POLL: variants seen among roughly 807,000 people sequenced by gnomAD.
The protein encoded by POLL is DNA polymerase beta-2.
Under a neutral mutation model 58.1 loss-of-function variants are expected in POLL, and 44 were observed. That is an observed-to-expected ratio of 0.76 (90% CI 0.60 to 0.97). POLL has a LOEUF of 0.97. POLL is among the 50% of genes least tolerant of loss of function. The pLI is 0.00. For synonymous variants in POLL, 290 were observed against 283.2 expected (o/e 1.02, Z -0.24); for missense variants, 632 against 736.8 (o/e 0.86, Z 1.65).
rs1265664676 is a variant in POLL at position 101,580,156 on chromosome 10, A to G, written c.1363+92T>C. On this transcript the variant is annotated intron_variant, in intron 8 of 8. Transcript: ENST00000370162. This position sits in a 1 kb window ranked among gnomAD's most constrained non-coding sequence, Gnocchi z 4.1. ...GCACTGTTCCCCTGCTTCCTGCCTC[A>G]GGACTGGAACTTCTGAGGTTCTCCC... 3.6e-6 allele frequency: 4 copies of G among 1,115,230 alleles called. No individual in the cohort carries two copies. Among genetic ancestry groups the G allele is most frequent in the Non-Finnish European group, 3.9e-6 (3 of 766,146 alleles). The allele number at this position is 1,115,230 out of a possible 1,614,324, so 69.1% of individuals were successfully genotyped here. A position where few individuals can be genotyped will look rare whatever the true frequency, so the allele number is the denominator to read the frequency against.
upstream of POLL, chr10:101,588,264 C>A (rs1158064316): frequency 3.8e-6 from 6 of 1,563,252 alleles, no homozygotes; most frequent in Non-Finnish European, 2.6e-6. Flanking sequence ...GAATAGCTTC[C>A]GAGTCAGCCG....
Position 101,584,604 on chromosome 10 carries a change from G to A in POLL, c.889C>T (p.Gln297Ter). 6.4e-7 allele frequency: 1 copy of A among 1,553,898 alleles called. No individual in the cohort carries two copies. The highest frequency in any genetic ancestry group is 8.7e-7 in the Non-Finnish European group (1 of 1,148,562). The change falls in exon 5 of 9, where the codon CAG becomes TAG. Residue 297 changes from glutamine to a stop codon, truncating the protein, a stop_gained and splice_region_variant. Coordinates refer to ENST00000370162, the MANE Select transcript of POLL (RefSeq NM_001174084.2). LOFTEE classifies it high-confidence loss of function. Reference sequence around the variant, plus strand: ...CTCCCACTCTAGCCCCTGGGTACCTGGTACGAGGTGACAGGCTTATGGAAG... The same window carrying A: ...CTCCCACTCTAGCCCCTGGGTACCTAGTACGAGGTGACAGGCTTATGGAAG... The part of the protein sequence containing the change: ...KSFHKPVTSY[Q>*]EACSIPGIGK...
Position 101,588,192 on chromosome 10 carries a change from T to G in POLL, c.-417A>C. 1 of 1,535,594 alleles carries G rather than the reference T, an allele frequency of 6.5e-7. No individual in the cohort carries two copies. The highest frequency in any genetic ancestry group is 8.7e-7 in the Non-Finnish European group (1 of 1,143,418). ...CTAGTCACCCGGGGGTGGGCAGGAATAGACCACTTACCAGCAGAGCCAATG... is the reference window on the plus strand; with the variant it reads ...CTAGTCACCCGGGGGTGGGCAGGAAGAGACCACTTACCAGCAGAGCCAATG... On this transcript the variant is annotated 5_prime_UTR_variant, in exon 1 of 9. Transcript: ENST00000370162.
At chr10:101,582,547 G>A (rs1049566415) in intron 7 of POLL, among the ~76,000 whole-genome samples, 1 of 152,118 alleles carries the variant, frequency 6.6e-6, no homozygotes, top group African/African-American at 2.4e-5. Context: ...CCAGAATCTA[G>A]AGGGCTGGTG....
At chr10:101,587,463 G>A (rs761705575) in intron 1 of POLL, 57 bp from the exon 2 acceptor site, 3 of 1,551,444 alleles carry the variant, frequency 1.9e-6, no homozygotes, top group Non-Finnish European at 1.7e-6. Flanking sequence ...TGGAGGTAGG[G>A]TCTTTCCTGA....
intron 7 of POLL, chr10:101,581,260 T>C (rs1388910159): frequency 6.6e-6 from 1 of 152,048 alleles, no homozygotes; most frequent in Non-Finnish European, 1.5e-5. Context: ...AAGGAGGAGG[T>C]CCACGTGAGT....
At position 101,580,620 on chromosome 10, in the gene POLL, C is replaced by T. The variant is rs2062933899; in HGVS notation, c.1195-204G>A. 7.2e-6 allele frequency: 4 copies of T among 558,000 alleles called. No individual in the cohort carries two copies. Among genetic ancestry groups the T allele is most frequent in the Non-Finnish European group, 1.3e-5 (4 of 314,170 alleles). 34.6% of individuals were successfully genotyped at this position (558,000 alleles called of 1,614,324 possible). ...AGGAGAGAAGAAAAAGCTCACTGTG[C>T]AGGAGGCAAGCCTGAGGAGAGACGG... On this transcript the variant is annotated intron_variant, in intron 7 of 8. Transcript: ENST00000370162. This position sits in a 1 kb window ranked among gnomAD's most constrained non-coding sequence, Gnocchi z 4.1.
rs1022791864 is a variant in POLL, at chr10:101,579,200, G to A, written c.*253C>T. On this transcript the variant is annotated 3_prime_UTR_variant, in exon 9 of 9. Transcript: ENST00000370162. This position sits in a 1 kb window ranked among gnomAD's most constrained non-coding sequence, Gnocchi z 4.4. ...CAAGGGGCCATTTGCAAAATTCTTCGAGGGGCAGTGGTGAGGTAGAAGGGG... is the reference window on the plus strand; with the variant it reads ...CAAGGGGCCATTTGCAAAATTCTTCAAGGGGCAGTGGTGAGGTAGAAGGGG... 1.8e-5 allele frequency: 9 copies of A among 499,334 alleles called. No homozygotes were observed. Among genetic ancestry groups the A allele is most frequent in the Admixed American group, 3.7e-5 (1 of 27,158 alleles). 30.9% of individuals were successfully genotyped at this position (499,334 alleles called of 1,614,324 possible). A position where few individuals can be genotyped will look rare whatever the true frequency, so the allele number is the denominator to read the frequency against.
chr10:101,587,490 G>C (rs1232257634), intron 1 of POLL, 84 bp from the exon 2 acceptor site: 1 of 1,510,462 alleles, frequency 6.6e-7, no homozygotes, highest in Non-Finnish European at 8.9e-7. Context: ...TTTGGGGGTA[G>C]CAGCCCAGTT....
chr10:101,583,267 G>C lies in POLL; in HGVS notation c.1065+241C>G. ...AGGAAGGCCCTTGCTGGTCTGGGGA[G>C]ACTGAGAAACATACTTCTTGTCCCT... On this transcript the variant is annotated intron_variant, in intron 6 of 8. Transcript: ENST00000370162. 6.7e-6 allele frequency: 4 copies of C among 596,926 alleles called. 1 individual carries two copies. The highest frequency in any genetic ancestry group is 5.9e-6 in the Non-Finnish European group (2 of 336,560). 37.0% of individuals were successfully genotyped at this position (596,926 alleles called of 1,614,324 possible). A position where few individuals can be genotyped will look rare whatever the true frequency, so the allele number is the denominator to read the frequency against.
intron 4 of POLL, 70 bp from the exon 5 acceptor site, chr10:101,584,989 G>T (rs1462342021): frequency 1.9e-6 from 2 of 1,055,388 alleles, no homozygotes; most frequent in South Asian, 2.8e-5. Flanking sequence ...AAAGGTGGGG[G>T]TCATCTTCTT....
In POLL at chr10:101,587,987, G is replaced by A. The variant is rs74153015; in HGVS notation, c.-212C>T. ...TGTGGGGAGCCCTCCGGGAATGGAGGAGTCTCGCAGCTGCGGGTGAAGTCC... is the reference window on the plus strand; with the variant it reads ...TGTGGGGAGCCCTCCGGGAATGGAGAAGTCTCGCAGCTGCGGGTGAAGTCC... On this transcript the variant is annotated 5_prime_UTR_variant, in exon 1 of 9. Coordinates refer to ENST00000370162, the MANE Select transcript of POLL (RefSeq NM_001174084.2). The A allele has an allele frequency of 1.1e-4, 139 of 1,303,598 alleles. No individual in the cohort carries two copies. The African/African-American group carries it at 2.0e-3, about 19-fold the overall frequency. 80.8% of individuals were successfully genotyped at this position (1,303,598 alleles called of 1,614,324 possible). A position where few individuals can be genotyped will look rare whatever the true frequency, so the allele number is the denominator to read the frequency against.
chr10:101,583,510 G>C lies in POLL; in HGVS notation c.1063C>G (p.Gln355Glu), dbSNP rs1445512595. Residue 355 changes from glutamine to glutamate, a missense_variant and splice_region_variant, in exon 6 of 9, where the codon CAG (glutamine) becomes GAG (glutamate). By Grantham distance (29) the Gln-to-Glu change is conservative. Coordinates refer to ENST00000370162, the MANE Select transcript of POLL (RefSeq NM_001174084.2). ...TAGGGGCTGAGCCAGGGTGTGACCT[G>C]TTGGTACCACATCTGGGCAGTCTTG... is the stretch of plus-strand genomic sequence containing the variant. ...GTKTAQMWYQ[Q>E]GFRSLEDIRS... 2 of 1,612,756 alleles carry C rather than the reference G, an allele frequency of 1.2e-6. No individual in the cohort carries two copies. Among genetic ancestry groups the C allele is most frequent in the Admixed American group, 1.7e-5 (1 of 60,016 alleles).
chr10:101,579,968 A>G lies in POLL; in HGVS notation c.1364-151T>C, dbSNP rs1006586688. Reference sequence around the variant, plus strand: ...CTGGGCCCTTCTCCTTTTCTGTAAAACATGGATAGTAATTCCCATCTCCCC... The same window carrying G: ...CTGGGCCCTTCTCCTTTTCTGTAAAGCATGGATAGTAATTCCCATCTCCCC... On this transcript the variant is annotated intron_variant, in intron 8 of 8. Coordinates refer to ENST00000370162, the MANE Select transcript of POLL (RefSeq NM_001174084.2). This position sits in a 1 kb window ranked among gnomAD's most constrained non-coding sequence, Gnocchi z 4.4. 1.6e-5 allele frequency: 14 copies of G among 851,432 alleles called. No individual in the cohort carries two copies. In the Admixed American group the frequency reaches 2.6e-4, roughly 16 times the overall value. The allele number at this position is 851,432 out of a possible 1,614,324, so 52.7% of individuals were successfully genotyped here.
In POLL at chr10:101,588,198, A is replaced by G; in HGVS notation, c.-423T>C. 1 of 1,538,218 alleles carries G rather than the reference A, an allele frequency of 6.5e-7. No homozygotes were observed. Among genetic ancestry groups the G allele is most frequent in the Non-Finnish European group, 8.7e-7 (1 of 1,144,276 alleles). On this transcript the variant is annotated 5_prime_UTR_variant, in exon 1 of 9. Transcript: ENST00000370162. ...ACCCGGGGGTGGGCAGGAATAGACCACTTACCAGCAGAGCCAATGAGAGCG... is the reference window on the plus strand; with the variant it reads ...ACCCGGGGGTGGGCAGGAATAGACCGCTTACCAGCAGAGCCAATGAGAGCG...
In POLL at chr10:101,579,773, G is replaced by A; in HGVS notation, c.1408C>T (p.Gln470Ter). 6.2e-7 allele frequency: 1 copy of A among 1,613,846 alleles called. No homozygotes were observed. The highest frequency in any genetic ancestry group is 8.5e-7 in the Non-Finnish European group (1 of 1,179,998). The stretch of plus-strand genomic sequence containing the variant: ...CGGCACACCCCCAAGTACTTCTGTT[G>A]CTGACCATTCTCCTCTTGGCTCACC... The part of the protein sequence containing the change: ...DLVSQEENGQ[Q>*]QKYLGVCRLP... Residue 470 changes from glutamine to a stop codon, truncating the protein, a stop_gained, in exon 9 of 9, where the codon CAA becomes TAA. Coordinates refer to ENST00000370162, the MANE Select transcript of POLL (RefSeq NM_001174084.2). LOFTEE classifies it high-confidence loss of function. The surrounding 1 kb of genome is among the most constrained non-coding windows in gnomAD (Gnocchi z 4.4).
At chr10:101,583,397 G>A in intron 6 of POLL, 111 bp downstream of exon 6, 3 of 1,165,442 alleles carry the variant, frequency 2.6e-6, no homozygotes, top group East Asian at 2.3e-5. Flanking sequence ...TACTGTGGGT[G>A]CATTCCCATC....
In POLL at chr10:101,582,785, T is replaced by A; in HGVS notation, c.1172A>T (p.Glu391Val). The A allele has an allele frequency of 6.2e-7, 1 of 1,614,118 alleles. No homozygotes were observed. Among genetic ancestry groups the A allele is most frequent in the Non-Finnish European group, 8.5e-7 (1 of 1,180,002 alleles). ...TACTGTCTGCTCAATCTCTGTAGCC[T>A]CCTCCCTGGGCATACGTTCCAGGAA... is the stretch of plus-strand genomic sequence containing the variant. ...SDFLERMPRE[E>V]ATEIEQTVQK... The change falls in exon 7 of 9, where the codon GAG (glutamate) becomes GTG (valine). Residue 391 changes from glutamate (E) to valine (V), a missense_variant. By Grantham distance (121) the Glu-to-Val change is moderately radical (BLOSUM62 -2). Transcript: ENST00000370162.
Position 101,580,108 on chromosome 10 carries a change from T to C in POLL, c.1363+140A>G, listed in dbSNP as rs2062899143. The C allele has an allele frequency of 7.5e-6, 6 of 800,786 alleles. No individual in the cohort carries two copies. The highest frequency in any genetic ancestry group is 5.4e-5 in the Admixed American group (2 of 37,328). 49.6% of individuals were successfully genotyped at this position (800,786 alleles called of 1,614,324 possible). A position where few individuals can be genotyped will look rare whatever the true frequency, so the allele number is the denominator to read the frequency against. ...TCCCTGGAGAGGATTCCGGCCCCGATAGAGAGATGGGATGCTGGCAAAGCA... is the reference window on the plus strand; with the variant it reads ...TCCCTGGAGAGGATTCCGGCCCCGACAGAGAGATGGGATGCTGGCAAAGCA... On this transcript the variant is annotated intron_variant, in intron 8 of 8. Transcript: ENST00000370162. This position sits in a 1 kb window ranked among gnomAD's most constrained non-coding sequence, Gnocchi z 4.1.
Sources: gnomAD v4.1 joint callset for allele counts (sites outside exome capture counted in the v4.1 genomes callset) on GRCh38, gnomAD v4.1.1 for gene constraint, Gnocchi (gnomAD v3.1) non-coding constraint, MANE v1.5 for transcripts, NCBI Gene and HGNC (gene_info 2026-07-23, HGNC 2026-07-21) for gene names.